UBE2E3: variants seen among roughly 807,000 people sequenced by gnomAD.
UBE2E3 encodes the protein ubiquitin-conjugating enzyme E2 E3.
A neutral mutation model predicts 23.6 loss-of-function variants in UBE2E3; 5 were observed. The ratio of observed to expected loss-of-function variants is 0.21; its 90% CI spans 0.11 to 0.44. The LOEUF (loss-of-function observed/expected upper bound fraction) is 0.44, where lower values mean the gene tolerates loss of function less well. Among genes scored for constraint, UBE2E3 ranks in the 20% least tolerant of loss-of-function variants. The pLI is 0.99. For missense variants in UBE2E3, 81 were observed against 249.8 expected (o/e 0.32, Z 4.55); for synonymous variants, 78 against 87.5 (o/e 0.89, Z 0.60).
rs191003380 is a variant in UBE2E3, at chr2:181,053,420, A to G, written c.246-4273A>G. 1.6e-3 allele frequency among the ~76,000 whole-genome samples: 236 copies of G among 151,990 alleles called. 7 individuals are homozygous for G. The East Asian group carries it at 0.033, about 21-fold the overall frequency. ...ACCTGATTTCAGAACAAATTTTTGGAACATACTCGTTTATAAAAGTTAGTA... is the reference window on the plus strand; with the variant it reads ...ACCTGATTTCAGAACAAATTTTTGGGACATACTCGTTTATAAAAGTTAGTA... On this transcript the variant is annotated intron_variant, in intron 3 of 5. Transcript: ENST00000410062.
At position 181,050,052 on chromosome 2, in the gene UBE2E3, A is replaced by G. The variant is rs116617416; in HGVS notation, c.246-7641A>G. Among the ~76,000 whole-genome samples, 290 of 152,136 alleles carry G rather than the reference A, an allele frequency of 1.9e-3. 1 individual carries two copies. The highest frequency in any genetic ancestry group is 6.6e-3 in the African/African-American group (275 of 41,552). ...TACAAAAAGGCCAATAAGTTACACA[A>G]GCATTTGTAGTAATTTATGTAAAAG... On this transcript the variant is annotated intron_variant, in intron 3 of 5. Coordinates refer to ENST00000410062, the MANE Select transcript of UBE2E3 (RefSeq NM_006357.4).
intron 3 of UBE2E3, among the ~76,000 whole-genome samples, chr2:181,049,629 T>G (rs1190228499): frequency 1.3e-5 from 2 of 152,030 alleles, no homozygotes; most frequent in Non-Finnish European, 2.9e-5. Context: ...GTAATAGTTT[T>G]GAAGAAAGAC....
intron 3 of UBE2E3, among the ~76,000 whole-genome samples, chr2:181,011,389 AGT>A (rs1217955608): frequency 2.0e-5 from 3 of 152,044 alleles, no homozygotes; most frequent in Non-Finnish European, 4.4e-5. Flanking sequence ...GGCCAAACTC[AGT>A]CTTTTATAAT....
At chr2:181,015,994 C>T (rs1417582429) in intron 3 of UBE2E3, among the ~76,000 whole-genome samples, 1 of 98,080 alleles carries the variant, frequency 1.0e-5, no homozygotes, top group Non-Finnish European at 2.6e-5. Context: ...AGTAATTAGC[C>T]ATGAAGATTA....
chr2:181,008,183 T>C (rs1685208902), intron 3 of UBE2E3, among the ~76,000 whole-genome samples: 1 of 152,208 alleles, frequency 6.6e-6, no homozygotes, highest in South Asian at 2.1e-4. Flanking sequence ...CAGGCATATG[T>C]TATTTTGCTT....
rs571127600 is a variant in UBE2E3 at position 180,983,983 on chromosome 2, T to G, written c.195-60T>G. 3 of 1,429,242 alleles carry G rather than the reference T, an allele frequency of 2.1e-6. No individual in the cohort carries two copies. In the East Asian group the frequency reaches 6.9e-5, roughly 33 times the overall value. The allele number at this position is 1,429,242 out of a possible 1,614,324, so 88.5% of individuals were successfully genotyped here. A position where few individuals can be genotyped will look rare whatever the true frequency, so the allele number is the denominator to read the frequency against. ...GCATGGTGGTAGAGGGCAGTGTAAT[T>G]CCCTGGTTATTCTGTAGACTATATC... On this transcript the variant is annotated intron_variant, in intron 2 of 5. Coordinates refer to ENST00000410062, the MANE Select transcript of UBE2E3 (RefSeq NM_006357.4).
At chr2:181,013,232 A>C (rs568650700) in intron 3 of UBE2E3, among the ~76,000 whole-genome samples, 48 of 152,312 alleles carry the variant, frequency 3.2e-4, no homozygotes, top group African/African-American at 1.1e-3. Flanking sequence ...CTACTTAACA[A>C]ATTACCCCAC....
intron 3 of UBE2E3, among the ~76,000 whole-genome samples, chr2:181,023,361 G>A (rs932433074): frequency 1.2e-4 from 19 of 152,136 alleles, no homozygotes; most frequent in African/African-American, 4.6e-4. Context: ...ATAGTAAATA[G>A]AACATCCTCT....
At chr2:181,009,030 C>A (rs1281279249) in intron 3 of UBE2E3, among the ~76,000 whole-genome samples, 1 of 151,514 alleles carries the variant, frequency 6.6e-6, no homozygotes, top group Non-Finnish European at 1.5e-5. Flanking sequence ...GCTAAGGATA[C>A]TTATTCTAAA....
chr2:180,987,342 T>C (rs1430319564), intron 3 of UBE2E3: 1 of 1,549,848 alleles, frequency 6.5e-7, no homozygotes, highest in South Asian at 1.2e-5. Context: ...TCCCAGAGGG[T>C]GTCCTTGTCC....
At chr2:181,014,215 G>A (rs1275906215) in intron 3 of UBE2E3, among the ~76,000 whole-genome samples, 1 of 152,170 alleles carries the variant, frequency 6.6e-6, no homozygotes, top group Non-Finnish European at 1.5e-5. Context: ...TTCAATGGTT[G>A]TGGTTGTGGT....
At chr2:181,007,712 A>G (rs1187597263) in intron 3 of UBE2E3, among the ~76,000 whole-genome samples, 3 of 152,168 alleles carry the variant, frequency 2.0e-5, no homozygotes, top group African/African-American at 7.2e-5. Flanking sequence ...AATGGAGGCC[A>G]GTAGAGCCAA....
intron 3 of UBE2E3, among the ~76,000 whole-genome samples, chr2:181,005,056 T>C (rs77425457): frequency 0.012 from 1,870 of 152,334 alleles, 43 homozygotes; most frequent in African/African-American, 0.043. Context: ...TCAGAACTTA[T>C]TTGGTTGCAG....
intron 2 of UBE2E3, among the ~76,000 whole-genome samples, chr2:180,983,811 A>ATT (rs1466797486): frequency 6.6e-6 from 1 of 152,222 alleles, no homozygotes; most frequent in Non-Finnish European, 1.5e-5. Flanking sequence ...TTCTCCAATC[A>ATT]AGTGTAAATG....
At chr2:181,041,234 C>A (rs201481804) in intron 3 of UBE2E3, among the ~76,000 whole-genome samples, 935 of 76,928 alleles carry the variant, frequency 0.012, 8 homozygotes, top group Middle Eastern at 0.019. Flanking sequence ...GACTCCGTCT[C>A]AAAAAAAAAA....
chr2:181,009,848 C>T (rs1685265964), intron 3 of UBE2E3, among the ~76,000 whole-genome samples: 2 of 152,106 alleles, frequency 1.3e-5, no homozygotes, highest in African/African-American at 2.4e-5. Flanking sequence ...TGCACTGGCA[C>T]TTAGCTATAT....
chr2:181,060,861 CTTTT>C (rs71029902), intron 5 of UBE2E3, 49 bp downstream of exon 5: 4,304 of 247,730 alleles, frequency 0.017, 11 homozygotes, highest in South Asian at 0.052. Context: ...AAAACGAGTG[CTTTT>C]TTTTTTTTTT....
intron 2 of UBE2E3, 80 bp from the exon 3 acceptor site, chr2:180,983,963 G>A (rs1684379194): frequency 8.8e-7 from 1 of 1,135,252 alleles, no homozygotes. Flanking sequence ...TAACTGCATG[G>A]TGGTAGAGGG....
rs572331811 is a variant in UBE2E3, at chr2:181,027,805, A to G, written c.246-29888A>G. Reference sequence around the variant, plus strand: ...AACATTGCCATAACTCTACTTTCCTAGTCATTTGATTGTACAGAAAAAAGT... The same window carrying G: ...AACATTGCCATAACTCTACTTTCCTGGTCATTTGATTGTACAGAAAAAAGT... On this transcript the variant is annotated intron_variant, in intron 3 of 5. Transcript: ENST00000410062. 3.9e-5 allele frequency among the ~76,000 whole-genome samples: 6 copies of G among 152,094 alleles called. No homozygotes were observed. In the East Asian group the frequency reaches 7.7e-4, roughly 20 times the overall value.
Sources: gnomAD v4.1 joint callset for allele counts (sites outside exome capture counted in the v4.1 genomes callset) on GRCh38, gnomAD v4.1.1 for gene constraint, MANE v1.5 for transcripts, NCBI Gene and HGNC (gene_info 2026-07-23, HGNC 2026-07-21) for gene names.